The following TRNT1 variants were observed in gnomAD, a reference collection of about 807,000 sequenced individuals.
TRNT1 encodes CCA tRNA nucleotidyltransferase 1, mitochondrial.
TRNT1 carries 44 observed loss-of-function variants against 45.6 expected under a neutral mutation model. The ratio of observed to expected loss-of-function variants is 0.97; its 90% CI spans 0.76 to 1.24. The LOEUF (loss-of-function observed/expected upper bound fraction) is 1.24. Among genes scored for constraint, TRNT1 ranks in the 50% most tolerant of loss-of-function variants. The pLI, the probability that TRNT1 is intolerant of heterozygous loss-of-function variation, is 0.00. For synonymous variants in TRNT1, 201 were observed against 171.4 expected (o/e 1.17, Z -1.35); for missense variants, 633 against 504.4 (o/e 1.25, Z -2.44).
At chr3:3,145,935 C>G (rs183099755) in intron 5 of TRNT1, among the ~76,000 whole-genome samples, 1 of 151,410 alleles carries the variant, frequency 6.6e-6, no homozygotes, top group East Asian at 1.9e-4. Context: ...GAAATATACT[C>G]CAGGGTGCGC....
At chr3:3,147,425 G>T in intron 6 of TRNT1, 25 bp from the exon 7 acceptor site, 1 of 1,607,698 alleles carries the variant, frequency 6.2e-7, no homozygotes. Flanking sequence ...CTAAAAACAG[G>T]TGAAAAATGC....
chr3:3,140,390 C>T, intron 3 of TRNT1, 120 bp from the exon 4 acceptor site: 1 of 896,044 alleles, frequency 1.1e-6, no homozygotes, highest in Non-Finnish European at 1.7e-6. Flanking sequence ...GTTAAAAAGA[C>T]TATAACTGTC....
downstream of TRNT1, chr3:3,152,393 G>A: frequency 1.3e-6 from 2 of 1,529,716 alleles, no homozygotes; most frequent in South Asian, 1.2e-5. Context: ...TTAGGACTCT[G>A]GATTTTTCTG....
At chr3:3,129,541 C>T in intron 2 of TRNT1, 1 of 417,450 alleles carries the variant, frequency 2.4e-6, no homozygotes, top group East Asian at 5.2e-5. Context: ...GAGCTATGAT[C>T]ATGCCACTCT....
intron 2 of TRNT1, chr3:3,130,129 G>A: frequency 1.5e-6 from 1 of 661,740 alleles, no homozygotes. Flanking sequence ...TACAAAGCCT[G>A]TGGGAATTTT....
At chr3:3,149,553 A>C (rs541810858), downstream of TRNT1, 1 of 151,854 alleles carries the variant, frequency 6.6e-6, no homozygotes, top group Non-Finnish European at 1.5e-5. Context: ...GAGAGGTACT[A>C]TGCTACTGAC....
intron 2 of TRNT1, among the ~76,000 whole-genome samples, chr3:3,135,650 G>A (rs560643098): frequency 6.6e-6 from 1 of 152,324 alleles, no homozygotes; most frequent in African/African-American, 2.4e-5. Flanking sequence ...AAAGATGTGG[G>A]AAGAGTAGGT....
chr3:3,152,272 C>G (rs1389576500), downstream of TRNT1, among the ~76,000 whole-genome samples: 2 of 151,886 alleles, frequency 1.3e-5, no homozygotes, highest in Non-Finnish European at 2.9e-5. Flanking sequence ...TGTGCCTCAG[C>G]ATCCCGAGCA....
intron 6 of TRNT1, 121 bp downstream of exon 6, chr3:3,146,744 A>C: frequency 1.0e-6 from 1 of 968,818 alleles, no homozygotes; most frequent in Non-Finnish European, 1.5e-6. Context: ...GAGTATTTTA[A>C]AATAAGACAA....
intron 2 of TRNT1, chr3:3,130,170 A>G (rs962802824): frequency 2.8e-5 from 16 of 581,102 alleles, no homozygotes; most frequent in Middle Eastern, 4.6e-4. Flanking sequence ...ATTTAGTAGT[A>G]TATGTAGAAA....
In TRNT1 at chr3:3,137,129, A is replaced by C. The variant is rs184562818; in HGVS notation, c.149-131A>C. The C allele has an allele frequency of 1.8e-4, 127 of 699,544 alleles. No homozygotes were observed. The African/African-American group carries it at 2.1e-3, about 12-fold the overall frequency. The allele number at this position is 699,544 out of a possible 1,614,324, so 43.3% of individuals were successfully genotyped here. On this transcript the variant is annotated intron_variant, in intron 2 of 7. Coordinates refer to ENST00000251607, the MANE Select transcript of TRNT1 (RefSeq NM_182916.3). ...TCTTTGGGCCTTGTTCTCATTTTTCATATGAAAAGCCTCAGTTAAATGAAT... is the reference window on the plus strand; with the variant it reads ...TCTTTGGGCCTTGTTCTCATTTTTCCTATGAAAAGCCTCAGTTAAATGAAT...
chr3:3,134,482 G>C (rs1445287466), intron 2 of TRNT1, among the ~76,000 whole-genome samples: 1 of 152,168 alleles, frequency 6.6e-6, no homozygotes, highest in African/African-American at 2.4e-5. Flanking sequence ...TTGTAATGCA[G>C]TTAGCTTACT....
downstream of TRNT1, chr3:3,151,027 G>A (rs1340194054): frequency 1.2e-6 from 2 of 1,613,720 alleles, no homozygotes; most frequent in East Asian, 2.2e-5. Context: ...TCTTACACTG[G>A]GCAACAGTCC....
intron 2 of TRNT1, among the ~76,000 whole-genome samples, chr3:3,135,542 G>A (rs1173507536): frequency 1.3e-5 from 2 of 152,186 alleles, no homozygotes; most frequent in East Asian, 1.9e-4. Context: ...CTTGGGGAGA[G>A]CTTGTGGAAA....
chr3:3,140,422 T>C (rs1705573255), intron 3 of TRNT1, 88 bp from the exon 4 acceptor site: 1 of 1,388,032 alleles, frequency 7.2e-7, no homozygotes, highest in Non-Finnish European at 9.9e-7. Context: ...TACCATCCCT[T>C]TATAAAGACA....
At chr3:3,141,935 A>G (rs775468033) in intron 4 of TRNT1, among the ~76,000 whole-genome samples, 27 of 152,240 alleles carry the variant, frequency 1.8e-4, no homozygotes, top group Non-Finnish European at 3.4e-4. Context: ...GAAAAACTTC[A>G]TAAAGTATGT....
At chr3:3,141,922 T>G (rs1227710807) in intron 4 of TRNT1, among the ~76,000 whole-genome samples, 1 of 152,202 alleles carries the variant, frequency 6.6e-6, no homozygotes, top group East Asian at 1.9e-4. Context: ...CATTAAACTC[T>G]CAGAAAAACT....
At chr3:3,137,144 G>A (rs1705375861) in intron 2 of TRNT1, 116 bp from the exon 3 acceptor site, 1 of 785,006 alleles carries the variant, frequency 1.3e-6, no homozygotes. Flanking sequence ...AAAAGCCTCA[G>A]TTAAATGAAT....
downstream of TRNT1, chr3:3,152,422 A>T: frequency 6.4e-7 from 1 of 1,564,784 alleles, no homozygotes; most frequent in Non-Finnish European, 8.7e-7. Flanking sequence ...AGGTAAAAAA[A>T]GAAAAAAAAA....
Sources: gnomAD v4.1 joint callset for allele counts (sites outside exome capture counted in the v4.1 genomes callset) on GRCh38, gnomAD v4.1.1 for gene constraint, MANE v1.5 for transcripts, NCBI Gene and HGNC (gene_info 2026-07-23, HGNC 2026-07-21) for gene names.